HMCN1: variants seen among roughly 807,000 people sequenced by gnomAD.
HMCN1 encodes the protein hemicentin-1.
In HMCN1, 321 loss-of-function variants were observed where a neutral mutation model predicts 625.9. The ratio of observed to expected loss-of-function variants is 0.51; its 90% CI spans 0.47 to 0.56. The LOEUF (loss-of-function observed/expected upper bound fraction) is 0.56. HMCN1 is among the 20% of genes least tolerant of loss of function. The pLI, the probability that HMCN1 is intolerant of heterozygous loss-of-function variation, is 0.00. For missense variants in HMCN1, 6,588 were observed against 6,887.3 expected, an observed-to-expected ratio of 0.96 and a Z score of 1.54; for synonymous variants, 2,425 against 2,417.6, an observed-to-expected ratio of 1.00 and a Z score of -0.09.
At chr1:185,816,267 T>A (rs1214410470) in intron 1 of HMCN1, among the ~76,000 whole-genome samples, 1 of 152,200 alleles carries the variant, frequency 6.6e-6, no homozygotes. Flanking sequence ...AAATGGCCAG[T>A]GATATCTCCT....
intron 40 of HMCN1, 126 bp downstream of exon 40, chr1:186,041,262 C>A: frequency 1.2e-6 from 1 of 853,392 alleles, no homozygotes; most frequent in Non-Finnish European, 1.9e-6. Flanking sequence ...ATTACAGGAT[C>A]AATTCAAATC....
intron 75 of HMCN1, among the ~76,000 whole-genome samples, chr1:186,115,615 A>G (rs1294172792): frequency 6.6e-6 from 1 of 152,012 alleles, no homozygotes; most frequent in East Asian, 1.9e-4. Flanking sequence ...CCATACATAA[A>G]CCCTGTGGAT....
chr1:185,961,801 T>G (rs2102556319), intron 11 of HMCN1, among the ~76,000 whole-genome samples: 1 of 152,280 alleles, frequency 6.6e-6, no homozygotes, highest in South Asian at 2.1e-4. Flanking sequence ...AGAGAAAGTT[T>G]GAATAACTGA....
intron 1 of HMCN1, among the ~76,000 whole-genome samples, chr1:185,838,742 A>G (rs1168447252): frequency 6.6e-6 from 1 of 152,222 alleles, no homozygotes. Flanking sequence ...AAATCCATGC[A>G]TCTGGCTCTT....
chr1:186,017,962 TAGA>T (rs1654473757), intron 33 of HMCN1, among the ~76,000 whole-genome samples: 1 of 152,006 alleles, frequency 6.6e-6, no homozygotes, highest in African/African-American at 2.4e-5. Context: ...CTAAAATTAG[TAGA>T]AGAATAAAGA....
chr1:186,118,906 A>G (rs1661257098), intron 77 of HMCN1, among the ~76,000 whole-genome samples: 1 of 152,212 alleles, frequency 6.6e-6, no homozygotes, highest in Non-Finnish European at 1.5e-5. Context: ...GGTGATGGAA[A>G]TATTCTAAAA....
chr1:185,899,013 A>G (rs956503643), intron 4 of HMCN1, among the ~76,000 whole-genome samples: 1 of 152,100 alleles, frequency 6.6e-6, no homozygotes, highest in Non-Finnish European at 1.5e-5. Context: ...CTTAAGCTTC[A>G]GGGCCCTTCT....
At chr1:186,003,695 A>G (rs115877233) in intron 28 of HMCN1, 23 bp from the exon 29 acceptor site, 16 of 1,612,218 alleles carry the variant, frequency 9.9e-6, no homozygotes, top group African/African-American at 9.4e-5. Context: ...ACAGAGTTTC[A>G]TAATACACTG....
At chr1:185,846,767 T>C (rs974226276) in intron 2 of HMCN1, among the ~76,000 whole-genome samples, 1 of 152,194 alleles carries the variant, frequency 6.6e-6, no homozygotes, top group Non-Finnish European at 1.5e-5. Flanking sequence ...ACCTGCCTCA[T>C]TGGCTGCCTT....
chr1:185,899,507 T>A (rs755037623), intron 4 of HMCN1, among the ~76,000 whole-genome samples: 5 of 152,168 alleles, frequency 3.3e-5, no homozygotes, highest in Non-Finnish European at 5.9e-5. Flanking sequence ...ATTTTCTCAC[T>A]TGAGGTAACT....
intron 102 of HMCN1, 106 bp downstream of exon 102, chr1:186,172,237 A>T: frequency 1.3e-6 from 2 of 1,487,992 alleles, no homozygotes; most frequent in Non-Finnish European, 1.9e-6. Flanking sequence ...GCTAACAAGG[A>T]AATCTTTCTT....
chr1:186,045,556 A>G, intron 40 of HMCN1, 132 bp from the exon 41 acceptor site: 1 of 723,202 alleles, frequency 1.4e-6, no homozygotes, highest in Non-Finnish European at 2.5e-6. Context: ...ATGCAAAGTG[A>G]TGTTAGAATG....
chr1:186,082,623 A>G (rs1558206582), intron 56 of HMCN1, among the ~76,000 whole-genome samples: 1 of 152,106 alleles, frequency 6.6e-6, no homozygotes, highest in African/African-American at 2.4e-5. Context: ...ATAATTTGGG[A>G]CATTTTTTTT....
chr1:186,102,622 C>A (rs906761037), intron 68 of HMCN1, among the ~76,000 whole-genome samples: 3 of 152,200 alleles, frequency 2.0e-5, no homozygotes, highest in African/African-American at 7.2e-5. Context: ...TCCAGATCTT[C>A]TGCTATGAGT....
intron 2 of HMCN1, among the ~76,000 whole-genome samples, chr1:185,858,397 C>T (rs972662923): frequency 4.0e-5 from 6 of 151,588 alleles, no homozygotes; most frequent in African/African-American, 1.2e-4. Context: ...AATGAAACTG[C>T]GGCAGACGTT....
intron 89 of HMCN1, among the ~76,000 whole-genome samples, chr1:186,142,424 G>T (rs1367514358): frequency 6.6e-6 from 1 of 152,118 alleles, no homozygotes; most frequent in Non-Finnish European, 1.5e-5. Flanking sequence ...TGGGTGTTTT[G>T]GTTGCTTCTG....
intron 30 of HMCN1, among the ~76,000 whole-genome samples, chr1:186,011,830 G>A (rs904334889): frequency 6.6e-6 from 1 of 152,122 alleles, no homozygotes; most frequent in Non-Finnish European, 1.5e-5. Context: ...TTTGGGGTTG[G>A]ACTCATTTTG....
At chr1:185,746,731 G>A (rs1654431380) in intron 1 of HMCN1, among the ~76,000 whole-genome samples, 1 of 151,036 alleles carries the variant, frequency 6.6e-6, no homozygotes, top group Non-Finnish European at 1.5e-5. Context: ...TTAGCCTCCT[G>A]AGTAGCTGGG....
chr1:186,144,003 A>G (rs987887542), intron 89 of HMCN1, among the ~76,000 whole-genome samples, 170 bp from the exon 90 acceptor site: 1 of 152,224 alleles, frequency 6.6e-6, no homozygotes. Context: ...TCCTCTGAAA[A>G]TCTAACCAGA....
Sources: allele counts gnomAD v4.1 joint callset (sites outside exome capture counted in the v4.1 genomes callset), GRCh38; gene constraint gnomAD v4.1.1; transcripts MANE v1.5; gene names NCBI Gene and HGNC (gene_info 2026-07-23, HGNC 2026-07-21).